Variants in DCC observed in about 807,000 individuals in gnomAD.
The protein encoded by DCC is DCC netrin 1 receptor, also known as netrin receptor DCC.
DCC carries 58 observed loss-of-function variants against 172.5 expected under a neutral mutation model. The ratio of observed to expected loss-of-function variants is 0.34; its 90% CI spans 0.27 to 0.42. DCC has a LOEUF of 0.42. DCC is among the 10% of genes least tolerant of loss of function. The probability of loss-of-function intolerance (pLI) is 1.00; values close to 1 mark genes in which losing one functional copy is unlikely to be tolerated. For synonymous variants in DCC, 709 were observed against 644.5 expected (o/e 1.10, Z -1.52); for missense variants, 1,740 against 1,791.0 (o/e 0.97, Z 0.51).
chr18:52,636,405 C>T (rs1483257756), intron 1 of DCC, among the ~76,000 whole-genome samples: 1 of 151,998 alleles, frequency 6.6e-6, no homozygotes, highest in Non-Finnish European at 1.5e-5. Flanking sequence ...AAGCCCTTTA[C>T]TTTAGCAGCT....
intron 15 of DCC, among the ~76,000 whole-genome samples, chr18:53,356,547 A>G (rs1169927726): frequency 6.6e-6 from 1 of 152,138 alleles, no homozygotes; most frequent in Non-Finnish European, 1.5e-5. Flanking sequence ...CACTACTGAG[A>G]CAATACCACC....
chr18:53,430,862 T>C (rs1911567324), intron 21 of DCC, among the ~76,000 whole-genome samples: 1 of 152,126 alleles, frequency 6.6e-6, no homozygotes, highest in Non-Finnish European at 1.5e-5. Flanking sequence ...GCCAATTTTT[T>C]CTTCAATTCA....
chr18:52,653,654 G>T (rs17749018), intron 1 of DCC, among the ~76,000 whole-genome samples: 11,018 of 152,212 alleles, frequency 0.072, 536 homozygotes, highest in Middle Eastern at 0.19. Context: ...GAGTTTTCTA[G>T]GTAGGAAAGA....
chr18:53,223,092 A>G (rs1455582958), intron 12 of DCC, among the ~76,000 whole-genome samples: 1 of 152,140 alleles, frequency 6.6e-6, no homozygotes, highest in Non-Finnish European at 1.5e-5. Context: ...GACATCTGTT[A>G]GAAGATTTGA....
chr18:52,653,447 T>G (rs1001980955), intron 1 of DCC, among the ~76,000 whole-genome samples: 2 of 152,224 alleles, frequency 1.3e-5, no homozygotes, highest in African/African-American at 4.8e-5. Flanking sequence ...AATTGCACCA[T>G]GTTTGAATTA....
At chr18:52,450,094 T>C (rs1988254482) in intron 1 of DCC, among the ~76,000 whole-genome samples, 1 of 152,206 alleles carries the variant, frequency 6.6e-6, no homozygotes, top group African/African-American at 2.4e-5. Context: ...ATTTCGGAAA[T>C]AAGCCTGTCT....
chr18:53,159,008 A>AAAAAAAAAAAAAAAAAAAAAG lies in DCC; in HGVS notation c.1418+1496_1418+1497insAAAAAAAAAAAAAAAAAAAAG, dbSNP rs34406723. On this transcript the variant is annotated intron_variant, in intron 8 of 28. Transcript: ENST00000442544. Reference sequence around the variant, plus strand: ...CATCTCAAAAAAAAAAAAAAAAAGAAGAAGATGTAGGCATACCCATATTGC... The same window carrying AAAAAAAAAAAAAAAAAAAAAG: ...CATCTCAAAAAAAAAAAAAAAAAGAAAAAAAAAAAAAAAAAAAAAAGGAAGATGTAGGCATACCCATATTGC... 1.5e-4 allele frequency among the ~76,000 whole-genome samples: 18 copies of AAAAAAAAAAAAAAAAAAAAAG among 119,174 alleles called. 2 individuals are homozygous for AAAAAAAAAAAAAAAAAAAAAG. The highest frequency in any genetic ancestry group is 6.1e-4 in the East Asian group (2 of 3,274). 78.2% of individuals were successfully genotyped at this position (119,174 alleles called of 152,430 possible). A position where few individuals can be genotyped will look rare whatever the true frequency, so the allele number is the denominator to read the frequency against.
chr18:53,327,215 ATTGT>A (rs1568058764), intron 14 of DCC, among the ~76,000 whole-genome samples: 1 of 152,046 alleles, frequency 6.6e-6, no homozygotes, highest in Admixed American at 6.6e-5. Flanking sequence ...ACCAAACCAC[ATTGT>A]TTGTTCAGCG....
intron 14 of DCC, among the ~76,000 whole-genome samples, chr18:53,330,754 A>G (rs2057522081): frequency 6.6e-6 from 1 of 152,148 alleles, no homozygotes; most frequent in African/African-American, 2.4e-5. Context: ...ATTTTCACAT[A>G]TATTTCACAC....
At chr18:52,441,017 C>T (rs916282346) in intron 1 of DCC, among the ~76,000 whole-genome samples, 7 of 152,176 alleles carry the variant, frequency 4.6e-5, no homozygotes, top group Non-Finnish European at 7.4e-5. Context: ...TTGATAGGGA[C>T]TTAATGGCAA....
rs186927711 is a variant in DCC, at chr18:53,486,901, C to T, written c.3841C>T (p.Pro1281Ser). 9 of 1,614,206 alleles carry T rather than the reference C, an allele frequency of 5.6e-6. No individual in the cohort carries two copies. In the Admixed American group the frequency reaches 1.5e-4, roughly 27 times the overall value. ...GYPHPQFTLR[P>S]VPFPTLSVDR... ...TCCCCACCCGCAGTTCACTCTCCGG[C>T]CTGTGCCATTCCCAACACTCTCAGT... The change falls in exon 26 of 29, where the codon CCT (proline) becomes TCT (serine). Residue 1281 changes from proline (P) to serine (S), a missense_variant. Around this residue, in one of 2 missense-constraint regions of DCC, gnomAD observed 1,732 missense variants for 1,767.4 expected, o/e 0.98. Coordinates refer to ENST00000442544, the MANE Select transcript of DCC (RefSeq NM_005215.4).
chr18:53,251,168 G>A (rs1240741275), intron 12 of DCC, among the ~76,000 whole-genome samples: 2 of 151,782 alleles, frequency 1.3e-5, no homozygotes, highest in African/African-American at 4.8e-5. Flanking sequence ...CCCAACCCCT[G>A]CTTTCTGACA....
chr18:52,481,071 G>A (rs544220888), intron 1 of DCC, among the ~76,000 whole-genome samples: 1 of 152,188 alleles, frequency 6.6e-6, no homozygotes, highest in East Asian at 1.9e-4. Flanking sequence ...CATATATAAT[G>A]GAGATAATTT....
chr18:52,428,297 T>C (rs1987509724), intron 1 of DCC, among the ~76,000 whole-genome samples: 1 of 152,128 alleles, frequency 6.6e-6, no homozygotes, highest in South Asian at 2.1e-4. Context: ...ACCTGTTCTT[T>C]GACTCTTTTA....
chr18:52,456,871 T>A (rs2144528313), intron 1 of DCC, among the ~76,000 whole-genome samples: 1 of 152,154 alleles, frequency 6.6e-6, no homozygotes, highest in South Asian at 2.1e-4. Context: ...AAGTCTGAGG[T>A]CTTTCCAATG....
chr18:53,164,552 C>A (rs2054888864), intron 8 of DCC, among the ~76,000 whole-genome samples: 1 of 152,112 alleles, frequency 6.6e-6, no homozygotes, highest in African/African-American at 2.4e-5. Context: ...CAAATCCTGG[C>A]TTGTTATTTT....
chr18:52,404,421 G>T (rs1012466018), intron 1 of DCC, among the ~76,000 whole-genome samples: 1 of 149,774 alleles, frequency 6.7e-6, no homozygotes, highest in Non-Finnish European at 1.5e-5. Flanking sequence ...AATGATGTAC[G>T]CTGACTGTGT....
At chr18:52,898,252 A>G (rs925934469) in intron 2 of DCC, among the ~76,000 whole-genome samples, 1 of 152,202 alleles carries the variant, frequency 6.6e-6, no homozygotes, top group Non-Finnish European at 1.5e-5. Flanking sequence ...TTACTTAATA[A>G]TTAGACCTTC....
intron 1 of DCC, among the ~76,000 whole-genome samples, chr18:52,749,160 C>A (rs892794021): frequency 3.9e-5 from 6 of 152,056 alleles, no homozygotes; most frequent in African/African-American, 1.2e-4. Flanking sequence ...TCACTGCACT[C>A]CAGCCTGGGA....
Sources: gnomAD v4.1 joint callset for allele counts (sites outside exome capture counted in the v4.1 genomes callset) on GRCh38, gnomAD v4.1.1 for gene constraint, gnomAD v4.1.1 regional missense constraint, MANE v1.5 for transcripts, NCBI Gene and HGNC (gene_info 2026-07-23, HGNC 2026-07-21) for gene names.